TMEM198: variants seen among roughly 807,000 people sequenced by gnomAD.
TMEM198 encodes the protein transmembrane protein 198.
A neutral mutation model predicts 31.5 loss-of-function variants in TMEM198; 21 were observed. That is an observed-to-expected ratio of 0.67 (90% CI 0.47 to 0.96). The LOEUF (loss-of-function observed/expected upper bound fraction) is 0.96, where lower values mean the gene tolerates loss of function less well. TMEM198 is among the 40% of genes least tolerant of loss of function. The pLI is 0.00. For synonymous variants in TMEM198, 211 were observed against 223.3 expected (o/e 0.95, Z 0.49); for missense variants, 447 against 499.4 (o/e 0.89, Z 1.00).
At chr2:219,544,018 C>T (rs1695337739), upstream of TMEM198, 11 of 358,370 alleles carry the variant, frequency 3.1e-5, no homozygotes, top group South Asian at 6.1e-5. Context: ...GATGGTGCGC[C>T]CTGAGTGACG....
In TMEM198 at chr2:219,547,578, G is replaced by T; in HGVS notation, c.239G>T (p.Cys80Phe). The change falls in exon 3 of 5, where the codon TGC becomes TTC. Residue 80 changes from cysteine to phenylalanine, a missense_variant. By Grantham distance (205) the Cys-to-Phe change is radical (BLOSUM62 -2). Transcript: ENST00000373883. The stretch of plus-strand genomic sequence containing the variant: ...GGCTCGGTGGTCATCTTCCTCCTCT[G>T]CTACCGAGAGCGGGTGCTAGAGACA... ...LFGSVVIFLL[C>F]YRERVLETQL... 1 of 1,468,844 alleles carries T rather than the reference G, an allele frequency of 6.8e-7. No individual in the cohort carries two copies. The allele number at this position is 1,468,844 out of a possible 1,614,324, so 91.0% of individuals were successfully genotyped here. A position where few individuals can be genotyped will look rare whatever the true frequency, so the allele number is the denominator to read the frequency against.
chr2:219,550,569 G>A lies in TMEM198; in HGVS notation c.*715G>A, dbSNP rs1284032566. 5.6e-6 allele frequency: 3 copies of A among 531,296 alleles called. No individual in the cohort carries two copies. Among genetic ancestry groups the A allele is most frequent in the Non-Finnish European group, 1.0e-5 (3 of 296,282 alleles). 32.9% of individuals were successfully genotyped at this position (531,296 alleles called of 1,614,324 possible). ...TCTGTTTTACATCTTTTATAAATGT[G>A]CCAAACTGTGTGGCCTCTGCCAGGA... On this transcript the variant is annotated 3_prime_UTR_variant, in exon 5 of 5. Coordinates refer to ENST00000373883, the MANE Select transcript of TMEM198 (RefSeq NM_001005209.3).
rs754974235 is a variant in TMEM198 at position 219,544,252 on chromosome 2, C to T, written c.-165C>T. The T allele has an allele frequency of 1.9e-5, 9 of 467,860 alleles. No individual in the cohort carries two copies. The highest frequency in any genetic ancestry group is 3.5e-5 in the Non-Finnish European group (8 of 227,798). The allele number at this position is 467,860 out of a possible 1,614,324, so 29.0% of individuals were successfully genotyped here. The stretch of plus-strand genomic sequence containing the variant: ...ACCATTCTCTCCGGCCCAGCAGCCC[C>T]CTTCCTCGCACGACGGACTTTCCCT... On this transcript the variant is annotated 5_prime_UTR_variant, in exon 1 of 5. Transcript: ENST00000373883.
Position 219,549,977 on chromosome 2 carries a change from G to A in TMEM198, c.*123G>A, listed in dbSNP as rs1016654887. The A allele has an allele frequency of 4.6e-6, 6 of 1,297,594 alleles. No homozygotes were observed. The African/African-American group carries it at 8.9e-5, about 19-fold the overall frequency. 80.4% of individuals were successfully genotyped at this position (1,297,594 alleles called of 1,614,324 possible). ...CCCCAGCCTGGAGAGGGCTGGCCTG[G>A]TCACTAGAAGGGAGGATTGTCTCAG... On this transcript the variant is annotated 3_prime_UTR_variant, in exon 5 of 5. Transcript: ENST00000373883.
chr2:219,544,488 A>T lies in TMEM198; in HGVS notation c.-40+111A>T. On this transcript the variant is annotated intron_variant, in intron 1 of 4. Transcript: ENST00000373883. ...CCCCCCGACTCCCGTCCCTCTTTTA[A>T]CTTCATCCCAGCCTCCACTAGCCAG... The T allele has an allele frequency of 5.0e-6, 3 of 595,074 alleles. No individual in the cohort carries two copies. In the South Asian group the frequency reaches 5.7e-5, roughly 11 times the overall value. The allele number at this position is 595,074 out of a possible 1,614,324, so 36.9% of individuals were successfully genotyped here.
rs758782842 is a variant in TMEM198 at position 219,549,265 on chromosome 2, C to G, written c.856C>G (p.Arg286Gly). Residue 286 changes from arginine (R) to glycine (G), a missense_variant, in exon 4 of 5, where the codon CGG (arginine) becomes GGG (glycine). Physicochemically the swap from Arg to Gly is moderately radical, Grantham distance 125 (BLOSUM62 -2). Transcript: ENST00000373883. ...RPPRAPLRGP[R>G]APPRPGPPDP... ...TCCTCGGGCTCCCCTCAGAGGTCCC[C>G]GGGCTCCTCCCAGGCCTGGGCCACC... 1.2e-6 allele frequency: 2 copies of G among 1,613,954 alleles called. No individual in the cohort carries two copies. Among genetic ancestry groups the G allele is most frequent in the Admixed American group, 3.3e-5 (2 of 60,030 alleles).
In TMEM198 at chr2:219,544,753, G is replaced by T. The variant is rs903462664; in HGVS notation, c.26G>T (p.Arg9Leu). The T allele has an allele frequency of 3.1e-6, 5 of 1,613,938 alleles. No individual in the cohort carries two copies. Among genetic ancestry groups the T allele is most frequent in the Non-Finnish European group, 4.2e-6 (5 of 1,180,036 alleles). ...ATGCCGGGGACTGTGGCAACACTGC[G>T]GTTCCAGCTGCTGCCCCCTGAGCCA... MPGTVATLRFQLLPPEPDD... is the reference protein window; with the variant it reads MPGTVATLLFQLLPPEPDD... The change falls in exon 2 of 5, where the codon CGG becomes CTG. Residue 9 changes from arginine to leucine, a missense_variant. Arg to Leu is a moderately radical substitution (Grantham distance 102). Transcript: ENST00000373883.
intron 3 of TMEM198, among the ~76,000 whole-genome samples, chr2:219,548,864 A>AAAGATGATG (rs1695455181): frequency 6.6e-6 from 1 of 152,112 alleles, no homozygotes; most frequent in African/African-American, 2.4e-5. Context: ...TGTCCAGTGG[A>AAAGATGATG]AAGATGATGA....
In TMEM198 at chr2:219,549,417, G is replaced by C. The variant is rs953794928; in HGVS notation, c.945+63G>C. On this transcript the variant is annotated intron_variant, in intron 4 of 4. Coordinates refer to ENST00000373883, the MANE Select transcript of TMEM198 (RefSeq NM_001005209.3). ...AAGTGTGGAAACTCTTTCCAAACAG[G>C]ACTGGGCTTTCCCCACGGGCTGGTT... The C allele has an allele frequency of 3.2e-6, 5 of 1,551,308 alleles. No individual in the cohort carries two copies. In the Admixed American group the frequency reaches 9.6e-5, roughly 30 times the overall value.
intron 4 of TMEM198, 134 bp downstream of exon 4, chr2:219,549,488 C>T (rs1203747357): frequency 1.3e-5 from 16 of 1,275,010 alleles, no homozygotes; most frequent in African/African-American, 4.5e-5. Flanking sequence ...GTCCATGCAT[C>T]GGAGCCCATG....
rs777773170 is a variant in TMEM198, at chr2:219,547,994, G to A, written c.655G>A (p.Ala219Thr). The A allele has an allele frequency of 1.9e-6, 3 of 1,587,776 alleles. No individual in the cohort carries two copies. In the South Asian group the frequency reaches 3.4e-5, roughly 18 times the overall value. ...PVPPLCWRSW[A>T]LLALWPLLSL... is the part of the protein sequence containing the mutation. Reference sequence around the variant, plus strand: ...GCCCCCACTCTGCTGGCGAAGCTGGGCCCTGCTGGCACTCTGGCCCCTGCT... The same window carrying A: ...GCCCCCACTCTGCTGGCGAAGCTGGACCCTGCTGGCACTCTGGCCCCTGCT... Residue 219 changes from alanine to threonine, a missense_variant, in exon 3 of 5, where the codon GCC becomes ACC. Ala to Thr is a moderately conservative substitution (Grantham distance 58). Transcript: ENST00000373883.
Position 219,547,664 on chromosome 2 carries a change from G to A in TMEM198, c.325G>A (p.Val109Met), listed in dbSNP as rs1295387349. 6.5e-7 allele frequency: 1 copy of A among 1,536,430 alleles called. No individual in the cohort carries two copies. The highest frequency in any genetic ancestry group is 1.2e-5 in the South Asian group (1 of 80,620). ...GGGCATCGGGCTGCTCTGCGGGCTG[G>A]TGGCCATGCTAGTGCGCAGCGTGGG... ...ALGIGLLCGL[V>M]AMLVRSVGLF... Residue 109 changes from valine to methionine, a missense_variant, in exon 3 of 5, where the codon GTG becomes ATG. Physicochemically the swap from Val to Met is conservative, Grantham distance 21 (BLOSUM62 1). Coordinates refer to ENST00000373883, the MANE Select transcript of TMEM198 (RefSeq NM_001005209.3).
chr2:219,547,351 C>T, intron 2 of TMEM198, 155 bp from the exon 3 acceptor site: 1 of 578,058 alleles, frequency 1.7e-6, no homozygotes, highest in South Asian at 5.6e-5. Context: ...GGCCCCATCA[C>T]TGATGCCGTC....
chr2:219,549,712 C>T lies in TMEM198; in HGVS notation c.946-5C>T, dbSNP rs753533096. ...GGACTCACACCTATGTTTGCTCCCC[C>T]ACAGAGCTATATCCAGAGCTTCCGA... On this transcript the variant is annotated splice_region_variant and splice_polypyrimidine_tract_variant and intron_variant, in intron 4 of 4. Transcript: ENST00000373883. The T allele has an allele frequency of 2.5e-6, 4 of 1,613,356 alleles. No homozygotes were observed. The East Asian group carries it at 6.7e-5, about 27-fold the overall frequency.
At chr2:219,543,793 G>C (rs960502256), upstream of TMEM198, 2 of 458,418 alleles carry the variant, frequency 4.4e-6, no homozygotes, top group Non-Finnish European at 7.7e-6. Flanking sequence ...GGCCGCAGCT[G>C]TCCGACGTGT....
Position 219,547,878 on chromosome 2 carries a change from G to C in TMEM198, c.539G>C (p.Gly180Ala). ...ACCACCCTGGCCACCGCCGTGACTGGTGCTGCGCTGATCGCCACTGCCGCT... is the reference window on the plus strand; with the variant it reads ...ACCACCCTGGCCACCGCCGTGACTGCTGCTGCGCTGATCGCCACTGCCGCT... ...PLTTLATAVT[G>A]AALIATAADY... is the part of the protein sequence containing the mutation. Residue 180 changes from glycine (G) to alanine (A), a missense_variant, in exon 3 of 5, where the codon GGT (glycine) becomes GCT (alanine). By Grantham distance (60) the Gly-to-Ala change is moderately conservative (BLOSUM62 0). Coordinates refer to ENST00000373883, the MANE Select transcript of TMEM198 (RefSeq NM_001005209.3). 1 of 1,596,162 alleles carries C rather than the reference G, an allele frequency of 6.3e-7. No individual in the cohort carries two copies. The highest frequency in any genetic ancestry group is 8.5e-7 in the Non-Finnish European group (1 of 1,178,394).
Position 219,547,356 on chromosome 2 carries a change from G to A in TMEM198, c.167-150G>A, listed in dbSNP as rs137907957. 8.4e-4 allele frequency: 499 copies of A among 590,992 alleles called. 1 individual carries two copies. The highest frequency in any genetic ancestry group is 8.2e-3 in the African/African-American group (433 of 52,764). 36.6% of individuals were successfully genotyped at this position (590,992 alleles called of 1,614,324 possible). On this transcript the variant is annotated intron_variant, in intron 2 of 4. Coordinates refer to ENST00000373883, the MANE Select transcript of TMEM198 (RefSeq NM_001005209.3). Reference sequence around the variant, plus strand: ...TGACCTCAATGGCCCCATCACTGATGCCGTCATGACTCCAGTGACCCTCAA... The same window carrying A: ...TGACCTCAATGGCCCCATCACTGATACCGTCATGACTCCAGTGACCCTCAA...
rs1574509047 is a variant in TMEM198, at chr2:219,549,499, C to T, written c.945+145C>T. ...GTTTGTCCATGCATCGGAGCCCATGCACCAGGGGCTTGGCGGGTCCAGCTG... is the reference window on the plus strand; with the variant it reads ...GTTTGTCCATGCATCGGAGCCCATGTACCAGGGGCTTGGCGGGTCCAGCTG... On this transcript the variant is annotated intron_variant, in intron 4 of 4. Coordinates refer to ENST00000373883, the MANE Select transcript of TMEM198 (RefSeq NM_001005209.3). 67 of 1,254,828 alleles carry T rather than the reference C, an allele frequency of 5.3e-5. No individual in the cohort carries two copies. The South Asian group carries it at 8.5e-4, about 16-fold the overall frequency. 77.7% of individuals were successfully genotyped at this position (1,254,828 alleles called of 1,614,324 possible). A position where few individuals can be genotyped will look rare whatever the true frequency, so the allele number is the denominator to read the frequency against.
chr2:219,548,782 T>C (rs1410526107), intron 3 of TMEM198, among the ~76,000 whole-genome samples: 1 of 152,162 alleles, frequency 6.6e-6, no homozygotes, highest in Admixed American at 6.5e-5. Flanking sequence ...GGGATGCTCA[T>C]TCTGCTGCCG....
Sources: gnomAD v4.1 joint callset for allele counts (sites outside exome capture counted in the v4.1 genomes callset) on GRCh38, gnomAD v4.1.1 for gene constraint, MANE v1.5 for transcripts, NCBI Gene and HGNC (gene_info 2026-07-23, HGNC 2026-07-21) for gene names.